The following ACTR3 variants were observed in gnomAD, a reference collection of about 807,000 sequenced individuals.
The protein encoded by ACTR3 is actin-related protein 3.
ACTR3 carries 12 observed loss-of-function variants against 56.8 expected under a neutral mutation model. That is an observed-to-expected ratio of 0.21 (90% confidence interval 0.14 to 0.34). The LOEUF (loss-of-function observed/expected upper bound fraction) is 0.34. Among genes scored for constraint, ACTR3 ranks in the 10% least tolerant of loss-of-function variants. The probability of loss-of-function intolerance (pLI) is 1.00; values close to 1 mark genes in which losing one functional copy is unlikely to be tolerated. For synonymous variants in ACTR3, 162 were observed against 167.4 expected (o/e 0.97, Z 0.25); for missense variants, 282 against 512.5 (o/e 0.55, Z 4.34).
intron 3 of ACTR3, among the ~76,000 whole-genome samples, chr2:113,920,086 A>T (rs980069626): frequency 7.9e-5 from 12 of 151,918 alleles, no homozygotes; most frequent in African/African-American, 2.9e-4. Flanking sequence ...ACCACGCCGG[A>T]CTAATTTTTG....
intron 6 of ACTR3, among the ~76,000 whole-genome samples, chr2:113,935,237 C>A (rs10194568): frequency 2.0e-5 from 3 of 152,016 alleles, no homozygotes; most frequent in African/African-American, 7.3e-5. Flanking sequence ...ATACAATTCA[C>A]TTCTTTAGAG....
At chr2:113,898,217 TACTCAAGGGTAC>T (rs373826368) in intron 1 of ACTR3, among the ~76,000 whole-genome samples, 1 of 152,148 alleles carries the variant, frequency 6.6e-6, no homozygotes, top group Non-Finnish European at 1.5e-5. Flanking sequence ...AAAATTCAGT[TACTCAAGGGTAC>T]AAATATAGCA....
At chr2:113,943,335 A>G (rs1034980070) in intron 8 of ACTR3, among the ~76,000 whole-genome samples, 2 of 152,206 alleles carry the variant, frequency 1.3e-5, no homozygotes, top group Admixed American at 1.3e-4. Flanking sequence ...AGTGCTGGAA[A>G]GAAAAGTATA....
intron 10 of ACTR3, chr2:113,953,609 T>C (rs754189077): frequency 2.6e-5 from 4 of 152,218 alleles, no homozygotes; most frequent in Non-Finnish European, 5.9e-5. Context: ...TTTATTTTCC[T>C]TCAGTCTGTA....
intron 1 of ACTR3, among the ~76,000 whole-genome samples, chr2:113,891,658 T>G (rs1195790678): frequency 6.6e-6 from 1 of 151,816 alleles, no homozygotes; most frequent in African/African-American, 2.4e-5. Context: ...TTCATTATTG[T>G]TACTTAAAAG....
At chr2:113,952,878 C>G (rs1329844724) in intron 10 of ACTR3, 1 of 152,196 alleles carries the variant, frequency 6.6e-6, no homozygotes, top group African/African-American at 2.4e-5. Flanking sequence ...ATTCATTTGC[C>G]CATCCGTCTA....
chr2:113,901,085 C>T (rs193142813), intron 1 of ACTR3, among the ~76,000 whole-genome samples: 8 of 152,266 alleles, frequency 5.3e-5, no homozygotes, highest in East Asian at 1.9e-4. Context: ...TTTGGGAGGC[C>T]GAGGCCGCAG....
At chr2:113,928,841 G>A (rs139344555) in intron 4 of ACTR3, among the ~76,000 whole-genome samples, 82 of 152,284 alleles carry the variant, frequency 5.4e-4, no homozygotes, top group African/African-American at 2.0e-3. Context: ...TACTATCAGC[G>A]TGGAAAGTTT....
intron 5 of ACTR3, among the ~76,000 whole-genome samples, chr2:113,933,183 G>T (rs1454630880): frequency 6.6e-6 from 1 of 152,140 alleles, no homozygotes; most frequent in Admixed American, 6.5e-5. Flanking sequence ...TTTTCTGTAT[G>T]TCATATAGTC....
intron 10 of ACTR3, chr2:113,953,478 A>G (rs1239265876): frequency 6.6e-6 from 1 of 152,172 alleles, no homozygotes. Flanking sequence ...CAGACTTGGG[A>G]TGCTCATCAT....
At position 113,911,072 on chromosome 2, in the gene ACTR3, G is replaced by A. The variant is rs139203379; in HGVS notation, c.45-2100G>A. Among the ~76,000 whole-genome samples the A allele has an allele frequency of 1.4e-4, 22 of 152,186 alleles. No individual in the cohort carries two copies. The East Asian group carries it at 4.3e-3, about 29-fold the overall frequency. On this transcript the variant is annotated intron_variant, in intron 1 of 11. Coordinates refer to ENST00000263238, the MANE Select transcript of ACTR3 (RefSeq NM_005721.5). ...ACTAGTCATTTCCATTTGTCCACTG[G>A]TAAGGTATTAAACTATACTGGATGG...
chr2:113,944,315 A>G (rs1275948115), intron 8 of ACTR3, among the ~76,000 whole-genome samples: 1 of 152,116 alleles, frequency 6.6e-6, no homozygotes, highest in African/African-American at 2.4e-5. Flanking sequence ...GGCTCAAGAT[A>G]GTTTTAAATT....
At chr2:113,908,758 A>AT (rs982970692) in intron 1 of ACTR3, among the ~76,000 whole-genome samples, 30 of 151,424 alleles carry the variant, frequency 2.0e-4, no homozygotes, top group African/African-American at 4.6e-4. Context: ...TTAAAGAGTG[A>AT]TTTTTTTTGT....
At chr2:113,913,771 C>T (rs948345120) in intron 2 of ACTR3, among the ~76,000 whole-genome samples, 2 of 152,082 alleles carry the variant, frequency 1.3e-5, no homozygotes, top group East Asian at 3.9e-4. Flanking sequence ...TTGTTTTATC[C>T]TATTTTTGTT....
chr2:113,914,727 A>G (rs12618683), intron 2 of ACTR3, among the ~76,000 whole-genome samples: 26,637 of 151,960 alleles, frequency 0.18, 4,177 homozygotes, highest in African/African-American at 0.4. Context: ...CTAGAAACAA[A>G]CTTATTTGAC....
chr2:113,948,911 A>C (rs973393711), intron 8 of ACTR3, among the ~76,000 whole-genome samples: 3 of 79,568 alleles, frequency 3.8e-5, no homozygotes, highest in Non-Finnish European at 6.4e-5. Context: ...CATTCTAGGG[A>C]TTCCCTTTCC....
chr2:113,904,406 C>T (rs1679156233), intron 1 of ACTR3: 1 of 152,204 alleles, frequency 6.6e-6, no homozygotes, highest in Non-Finnish European at 1.5e-5. Context: ...TGAGTGTCTT[C>T]TCCCAGGAGA....
intron 5 of ACTR3, 46 bp from the exon 6 acceptor site, chr2:113,934,233 T>TTTTTTTTTTTTTTTTTTTTTTG: frequency 1.4e-6 from 1 of 694,126 alleles, no homozygotes; most frequent in Non-Finnish European, 2.1e-6. Flanking sequence ...TGTTTTTTTG[T>TTTTTTTTTTTTTTTTTTTTTTG]TTTTTTTTTT....
At chr2:113,935,677 A>G (rs899160078) in intron 6 of ACTR3, among the ~76,000 whole-genome samples, 4 of 151,960 alleles carry the variant, frequency 2.6e-5, no homozygotes, top group Non-Finnish European at 5.9e-5. Context: ...TTGGCAGTTT[A>G]TTTTTCTTTC....
Sources: allele counts gnomAD v4.1 joint callset (sites outside exome capture counted in the v4.1 genomes callset), GRCh38; gene constraint gnomAD v4.1.1; transcripts MANE v1.5; gene names NCBI Gene and HGNC (gene_info 2026-07-23, HGNC 2026-07-21).